The following GLIS3 variants were observed in gnomAD, a reference collection of about 807,000 sequenced individuals.
GLIS3 encodes GLIS family zinc finger 3, also known as zinc finger protein GLIS3.
GLIS3 carries 53 observed loss-of-function variants against 78.6 expected under a neutral mutation model. The observed-to-expected ratio is 0.67, with a 90% confidence interval of 0.54 to 0.85. The LOEUF (loss-of-function observed/expected upper bound fraction) is 0.85. GLIS3 is among the 40% of genes least tolerant of loss of function. The pLI, the probability that GLIS3 is intolerant of heterozygous loss-of-function variation, is 0.00. For synonymous variants in GLIS3, 684 were observed against 509.9 expected, an observed-to-expected ratio of 1.34 and a Z score of -4.60; for missense variants, 1,703 against 1,231.1, an observed-to-expected ratio of 1.38 and a Z score of -5.74.
At chr9:4,209,451 TC>T (rs1820188202) in intron 2 of GLIS3, among the ~76,000 whole-genome samples, 1 of 152,168 alleles carries the variant, frequency 6.6e-6, no homozygotes, top group Non-Finnish European at 1.5e-5. Context: ...ACCCTCCTAC[TC>T]CAGGTGGCAA....
intron 4 of GLIS3, among the ~76,000 whole-genome samples, chr9:3,995,394 A>C (rs552199572): frequency 6.6e-6 from 1 of 152,192 alleles, no homozygotes; most frequent in Non-Finnish European, 1.5e-5. Flanking sequence ...GGAATTTCCA[A>C]AGATAAGGTT....
chr9:4,171,260 T>G (rs1816349152), intron 2 of GLIS3, among the ~76,000 whole-genome samples: 1 of 152,210 alleles, frequency 6.6e-6, no homozygotes, highest in Non-Finnish European at 1.5e-5. Flanking sequence ...AGGTTCTATT[T>G]ATTCACTAAC....
chr9:4,158,721 C>T (rs1835230369), intron 2 of GLIS3, among the ~76,000 whole-genome samples: 1 of 152,136 alleles, frequency 6.6e-6, no homozygotes. Flanking sequence ...AAGTAACATT[C>T]CCCCATTTTC....
At chr9:3,973,195 A>T (rs1281191320) in intron 4 of GLIS3, among the ~76,000 whole-genome samples, 1 of 152,168 alleles carries the variant, frequency 6.6e-6, no homozygotes, top group Non-Finnish European at 1.5e-5. Flanking sequence ...TCAGAGTGTG[A>T]TATCCTCCTG....
chr9:3,860,131 C>T (rs1048623869), intron 8 of GLIS3, among the ~76,000 whole-genome samples: 8 of 151,694 alleles, frequency 5.3e-5, no homozygotes, highest in African/African-American at 1.2e-4. Flanking sequence ...AAATATTAGC[C>T]GGGTGTAGTG....
In GLIS3 at chr9:4,310,014, T is replaced by G. The variant is rs151010137; in HGVS notation, n.392+387A>C. On this transcript the variant is annotated intron_variant and non_coding_transcript_variant, in intron 3 of 4. Transcript: ENST00000471664. ...TCTGAACGCAAACAGCATTTGGCTT[T>G]GATCTGAGTTGTTGAAAACTATGAC... Among the ~76,000 whole-genome samples, 149 of 152,368 alleles carry G rather than the reference T, an allele frequency of 9.8e-4. 2 individuals are homozygous for G. In the East Asian group the frequency reaches 0.022, roughly 22 times the overall value.
the GLIS3 span, among the ~76,000 whole-genome samples, chr9:4,370,202 A>C: frequency 5.8e-3 from 872 of 150,938 alleles, 5 homozygotes; most frequent in Admixed American, 9.4e-3. Context: ...AAAAAAAAAA[A>C]ACAACCAAAA....
chr9:3,906,578 C>T (rs367915323), intron 6 of GLIS3, among the ~76,000 whole-genome samples: 13 of 152,208 alleles, frequency 8.5e-5, no homozygotes, highest in South Asian at 2.1e-4. Context: ...GACATCCAGG[C>T]GGAGAGAACC....
chr9:4,031,153 C>T (rs1243577441), intron 4 of GLIS3, among the ~76,000 whole-genome samples: 1 of 151,910 alleles, frequency 6.6e-6, no homozygotes, highest in Non-Finnish European at 1.5e-5. Context: ...GATGTTATAC[C>T]CAAAAGAATT....
chr9:3,907,736 G>C (rs1335844506), intron 6 of GLIS3, among the ~76,000 whole-genome samples: 1 of 152,068 alleles, frequency 6.6e-6, no homozygotes. Flanking sequence ...GATTGGGCTA[G>C]GCTGAGACTA....
chr9:4,061,925 A>G (rs1355734663), intron 4 of GLIS3, among the ~76,000 whole-genome samples: 1 of 152,116 alleles, frequency 6.6e-6, no homozygotes, highest in Admixed American at 6.6e-5. Context: ...TGCCTAGGAG[A>G]TCTGAGCTTC....
chr9:4,464,161 G>C, the GLIS3 span, among the ~76,000 whole-genome samples: 1 of 151,940 alleles, frequency 6.6e-6, no homozygotes, highest in African/African-American at 2.4e-5. Context: ...AAGGAGAACA[G>C]CTCAGCTTAT....
chr9:3,919,453 T>C (rs1042828385), intron 6 of GLIS3, among the ~76,000 whole-genome samples: 7 of 151,932 alleles, frequency 4.6e-5, no homozygotes, highest in African/African-American at 1.2e-4. Context: ...TGGAGACATA[T>C]AGGGGAACAA....
chr9:4,338,832 G>C (rs561989676), intron 2 of GLIS3, among the ~76,000 whole-genome samples: 10 of 152,310 alleles, frequency 6.6e-5, no homozygotes, highest in East Asian at 5.8e-4. Flanking sequence ...CCCAGCTCCA[G>C]AGATCCTTAT....
chr9:4,285,211 A>G (rs1025855145), intron 2 of GLIS3, among the ~76,000 whole-genome samples: 6 of 152,246 alleles, frequency 3.9e-5, no homozygotes, highest in Admixed American at 1.3e-4. Flanking sequence ...CAGCAAAGCT[A>G]TATTTTACGT....
rs565354569 is a variant in GLIS3, at chr9:4,240,980, T to G, written c.388+45058A>C. ...GTGTGTGTGTGTGTGTGTACGTGTG[T>G]ACATATTTTAAACTAATTTTCTATT... On this transcript the variant is annotated intron_variant, in intron 2 of 10. Transcript: ENST00000381971. Among the ~76,000 whole-genome samples, 4 of 152,286 alleles carry G rather than the reference T, an allele frequency of 2.6e-5. No homozygotes were observed. In the East Asian group the frequency reaches 7.7e-4, roughly 29 times the overall value.
At chr9:4,167,772 C>T (rs1266488736) in intron 2 of GLIS3, among the ~76,000 whole-genome samples, 1 of 152,158 alleles carries the variant, frequency 6.6e-6, no homozygotes, top group African/African-American at 2.4e-5. Flanking sequence ...TCTGCAAATC[C>T]AACAGTAATA....
At chr9:4,076,835 T>C (rs1828105866) in intron 4 of GLIS3, among the ~76,000 whole-genome samples, 1 of 152,200 alleles carries the variant, frequency 6.6e-6, no homozygotes, top group African/African-American at 2.4e-5. Context: ...GGCGAGGGAA[T>C]GGCTTGAACC....
chr9:3,901,782 G>A (rs541958012), intron 6 of GLIS3, among the ~76,000 whole-genome samples: 1 of 152,228 alleles, frequency 6.6e-6, no homozygotes, highest in South Asian at 2.1e-4. Context: ...AGGACTCTCT[G>A]TATTAGTGCC....
Sources: gnomAD v4.1 joint callset for allele counts (sites outside exome capture counted in the v4.1 genomes callset) on GRCh38, gnomAD v4.1.1 for gene constraint, MANE v1.5 for transcripts, NCBI Gene and HGNC (gene_info 2026-07-23, HGNC 2026-07-21) for gene names.